The following PFKM variants were observed in gnomAD, a reference collection of about 807,000 sequenced individuals.
PFKM encodes phosphofructokinase, muscle.
Under a neutral mutation model 95.5 loss-of-function variants are expected in PFKM, and 58 were observed. The observed-to-expected ratio is 0.61, with a 90% CI of 0.49 to 0.76. The LOEUF is 0.76. Among genes scored for constraint, PFKM ranks in the 30% least tolerant of loss-of-function variants. The pLI is 0.00. For missense variants in PFKM, 678 were observed against 1,005.4 expected (o/e 0.67, Z 4.40); for synonymous variants, 336 against 357.2 (o/e 0.94, Z 0.67).
At chr12:48,122,538 T>G in intron 1 of PFKM, 1 of 1,360,992 alleles carries the variant, frequency 7.3e-7, no homozygotes, top group Non-Finnish European at 9.5e-7. Context: ...CAGGGAGGAA[T>G]TAGGACCTTA....
chr12:48,111,576 G>T (rs1947189771), intron 3 of PFKM, among the ~76,000 whole-genome samples: 2 of 152,218 alleles, frequency 1.3e-5, no homozygotes, highest in African/African-American at 4.8e-5. Context: ...GAGCGGGGAA[G>T]ATCAGTAGCC....
chr12:48,139,297 ACCAAGG>A lies in PFKM; in HGVS notation c.1079_1084del (p.Lys360_Ala361del). The A allele has an allele frequency of 6.2e-7, 1 of 1,613,684 alleles. No individual in the cohort carries two copies. The highest frequency in any genetic ancestry group is 8.5e-7 in the Non-Finnish European group (1 of 1,179,766). ...GCTCCCCCCTCAGACCAAAGATGTG[ACCAAGG>A]CCATGGATGAGAAGAAATTTGACGA... On this transcript the variant is annotated inframe_deletion, in exon 12 of 23. Transcript: ENST00000359794.
At position 48,140,888 on chromosome 12, in the gene PFKM, G is replaced by T. The variant is rs765667067; in HGVS notation, c.1341+17G>T. The T allele has an allele frequency of 6.2e-7, 1 of 1,613,718 alleles. No homozygotes were observed. The highest frequency in any genetic ancestry group is 8.5e-7 in the Non-Finnish European group (1 of 1,179,814). ...AAGGGGCAGGTATGGGGACTATTCT[G>T]GGACCTAGGAGCAGTCATGGGGAAG... is the stretch of plus-strand genomic sequence containing the variant. On this transcript the variant is annotated intron_variant, in intron 14 of 22. Transcript: ENST00000359794.
Position 48,145,856 on chromosome 12 carries a change from C to T in PFKM, c.*148C>T. On this transcript the variant is annotated 3_prime_UTR_variant, in exon 23 of 23. Transcript: ENST00000359794. The surrounding 1 kb of genome is among the most constrained non-coding windows in gnomAD (Gnocchi z 4.3). ...AGCCATGACCAGTTCTGGCCAGGAG[C>T]TGGAGGAGCAGGCAGTGGGTGGGAG... 1.2e-6 allele frequency: 1 copy of T among 818,132 alleles called. No individual in the cohort carries two copies. Among genetic ancestry groups the T allele is most frequent in the Non-Finnish European group, 2.0e-6 (1 of 506,862 alleles). 50.7% of individuals were successfully genotyped at this position (818,132 alleles called of 1,614,324 possible).
intron 2 of PFKM, among the ~76,000 whole-genome samples, chr12:48,125,027 A>G (rs987262646): frequency 1.3e-5 from 2 of 152,170 alleles, no homozygotes; most frequent in Non-Finnish European, 2.9e-5. Flanking sequence ...CAGCTTTGTC[A>G]TTCTCCAAAT....
At chr12:48,134,161 C>T (rs1244555165) in intron 6 of PFKM, 71 bp from the exon 7 acceptor site, 3 of 1,292,082 alleles carry the variant, frequency 2.3e-6, no homozygotes, top group Non-Finnish European at 3.4e-6. Context: ...GGTAATTGGC[C>T]TAGATGTGGG....
intron 2 of PFKM, among the ~76,000 whole-genome samples, chr12:48,124,538 T>C (rs960598439): frequency 6.6e-6 from 1 of 152,218 alleles, no homozygotes; most frequent in African/African-American, 2.4e-5. Context: ...GACTAGGATT[T>C]AACTTGGGTC....
In PFKM at chr12:48,145,672, C is replaced by T. The variant is rs1950985282; in HGVS notation, c.2307C>T (p.His769=). Residue 769 remains histidine, a synonymous_variant, in exon 23 of 23, where the codon CAC becomes CAT. Transcript: ENST00000359794. The surrounding 1 kb of genome is among the most constrained non-coding windows in gnomAD (Gnocchi z 4.3). ...LDTSDHAHLE[H]ITRKRSGEAA... ...CTTCAGACCATGCCCACCTGGAGCA[C>T]ATCACCCGGAAGCGGTCCGGGGAAG... 1 of 1,614,224 alleles carries T rather than the reference C, an allele frequency of 6.2e-7. No individual in the cohort carries two copies. Among genetic ancestry groups the T allele is most frequent in the Non-Finnish European group, 8.5e-7 (1 of 1,180,038 alleles).
At chr12:48,141,275 T>C in intron 14 of PFKM, 36 bp from the exon 15 acceptor site, 1 of 1,596,258 alleles carries the variant, frequency 6.3e-7, no homozygotes, top group Non-Finnish European at 8.6e-7. Context: ...CCTAGTGCTT[T>C]AGCCTTGTGC....
chr12:48,105,599 G>C, upstream of PFKM: 2 of 463,012 alleles, frequency 4.3e-6, no homozygotes, highest in Non-Finnish European at 8.6e-6. Context: ...GGGTCTCAAG[G>C]AAGGCGGGAG....
At chr12:48,143,468 A>C (rs1950756631) in intron 18 of PFKM, among the ~76,000 whole-genome samples, 1 of 152,238 alleles carries the variant, frequency 6.6e-6, no homozygotes, top group Non-Finnish European at 1.5e-5. Flanking sequence ...GGGGAACCAG[A>C]AAGGCTTGGA....
chr12:48,114,460 G>A (rs1947492501), upstream of PFKM, among the ~76,000 whole-genome samples: 1 of 152,176 alleles, frequency 6.6e-6, no homozygotes, highest in African/African-American at 2.4e-5. Flanking sequence ...GACCGGGTGT[G>A]GGGAGGGGAG....
chr12:48,145,258 G>C lies in PFKM; in HGVS notation c.2141G>C (p.Arg714Pro). Residue 714 changes from arginine to proline, a missense_variant, in exon 22 of 23, where the codon CGT becomes CCT. Coordinates refer to ENST00000359794, the MANE Select transcript of PFKM (RefSeq NM_000289.6). This position sits in a 1 kb window ranked among gnomAD's most constrained non-coding sequence, Gnocchi z 4.3. ...GATTCGGGCTGTGTTCTGGGGATGCGTAAGAGGGCTCTGGTCTTCCAACCA... is the reference window on the plus strand; with the variant it reads ...GATTCGGGCTGTGTTCTGGGGATGCCTAAGAGGGCTCTGGTCTTCCAACCA... ...TPDSGCVLGMRKRALVFQPVA... is the reference protein window; with the variant it reads ...TPDSGCVLGMPKRALVFQPVA... The C allele has an allele frequency of 6.2e-7, 1 of 1,614,116 alleles. No individual in the cohort carries two copies. The highest frequency in any genetic ancestry group is 8.5e-7 in the Non-Finnish European group (1 of 1,179,998).
rs1947407308 is a variant in PFKM at position 48,113,647 on chromosome 12, G to A, written c.205+5453G>A. 2.0e-5 allele frequency among the ~76,000 whole-genome samples: 3 copies of A among 152,236 alleles called. No homozygotes were observed. In the South Asian group the frequency reaches 6.2e-4, roughly 31 times the overall value. On this transcript the variant is annotated intron_variant, in intron 3 of 24. Coordinates refer to the PFKM transcript ENST00000340802. The stretch of plus-strand genomic sequence containing the variant: ...AGGAACACCTGGCCGCTGGGGTTCA[G>A]GCATTGTGAAGTTCTTGTGTGCTGG...
At chr12:48,139,705 G>A in intron 12 of PFKM, 144 bp from the exon 13 acceptor site, 1 of 715,394 alleles carries the variant, frequency 1.4e-6, no homozygotes, top group Non-Finnish European at 2.6e-6. Context: ...CCCCTGCCCT[G>A]TCCCTGCTCT....
chr12:48,132,867 G>A lies in PFKM; in HGVS notation c.238-1G>A. On this transcript the variant is annotated splice_acceptor_variant, in intron 4 of 22. Transcript: ENST00000359794. LOFTEE classifies it high-confidence loss of function. ...GGAGCTGACTTCTACCTCTTCCAAA[G>A]GGAGGCACGGTGATTGGAAGTGCCC... 1 of 1,610,304 alleles carries A rather than the reference G, an allele frequency of 6.2e-7. No homozygotes were observed. Among genetic ancestry groups the A allele is most frequent in the Non-Finnish European group, 8.5e-7 (1 of 1,178,068 alleles).
chr12:48,111,938 A>G (rs995525757), intron 3 of PFKM, among the ~76,000 whole-genome samples: 2 of 152,210 alleles, frequency 1.3e-5, no homozygotes, highest in African/African-American at 4.8e-5. Context: ...AGAGCTGTAG[A>G]GAGTGAGTTG....
In PFKM at chr12:48,145,363, A is replaced by G. The variant is rs1950948941; in HGVS notation, c.2198+48A>G. On this transcript the variant is annotated intron_variant, in intron 22 of 22. Transcript: ENST00000359794. The surrounding 1 kb of genome is among the most constrained non-coding windows in gnomAD (Gnocchi z 4.3). The stretch of plus-strand genomic sequence containing the variant: ...GTGGTTCTTTTCCCTGGTAGTTTCA[A>G]GCTCTACTGTCCTCAACCTGTTCAC... The G allele has an allele frequency of 2.0e-6, 3 of 1,488,850 alleles. No individual in the cohort carries two copies. Among genetic ancestry groups the G allele is most frequent in the African/African-American group, 2.8e-5 (2 of 72,562 alleles). 92.2% of individuals were successfully genotyped at this position (1,488,850 alleles called of 1,614,324 possible).
At chr12:48,107,638 T>C (rs540044190) in intron 2 of PFKM, among the ~76,000 whole-genome samples, 1 of 152,314 alleles carries the variant, frequency 6.6e-6, no homozygotes, top group South Asian at 2.1e-4. Context: ...AGGTAAGATT[T>C]TGACCTGGTT....
Sources: allele counts gnomAD v4.1 joint callset (sites outside exome capture counted in the v4.1 genomes callset), GRCh38; gene constraint gnomAD v4.1.1; non-coding constraint Gnocchi (gnomAD v3.1); transcripts MANE v1.5; gene names NCBI Gene and HGNC (gene_info 2026-07-23, HGNC 2026-07-21).